The following LUC7L2 variants were observed in gnomAD, a reference collection of about 807,000 sequenced individuals.
LUC7L2 encodes the protein putative RNA-binding protein Luc7-like 2.
LUC7L2 carries 25 observed loss-of-function variants against 52.8 expected under a neutral mutation model. That is an observed-to-expected ratio of 0.47 (90% CI 0.34 to 0.66). The LOEUF (loss-of-function observed/expected upper bound fraction) is 0.66, where lower values mean the gene tolerates loss of function less well. Among genes scored for constraint, LUC7L2 ranks in the 30% least tolerant of loss-of-function variants. The pLI is 0.01. For synonymous variants in LUC7L2, 144 were observed against 160.9 expected (o/e 0.89, Z 0.80); for missense variants, 328 against 497.8 (o/e 0.66, Z 3.25).
At chr7:139,371,464 G>A in intron 1 of LUC7L2, 1 of 1,366,370 alleles carries the variant, frequency 7.3e-7, no homozygotes, top group Non-Finnish European at 9.7e-7. Flanking sequence ...GAGAGAATGG[G>A]TAAAGTAAAA....
intron 1 of LUC7L2, among the ~76,000 whole-genome samples, chr7:139,369,670 C>T (rs1800344235): frequency 6.6e-6 from 1 of 151,844 alleles, no homozygotes; most frequent in Non-Finnish European, 1.5e-5. Context: ...TATGGATTTT[C>T]ACAGACAAGT....
At chr7:139,389,902 C>G (rs192823428) in intron 2 of LUC7L2, among the ~76,000 whole-genome samples, 6 of 152,232 alleles carry the variant, frequency 3.9e-5, no homozygotes, top group Admixed American at 3.9e-4. Context: ...AACAGCAATC[C>G]TGAAGTACTT....
At chr7:139,386,956 C>G (rs1463235577) in intron 2 of LUC7L2, among the ~76,000 whole-genome samples, 2 of 152,058 alleles carry the variant, frequency 1.3e-5, no homozygotes, top group East Asian at 3.9e-4. Flanking sequence ...TCTCCTGCCT[C>G]ATCCTTTCAA....
chr7:139,422,414 A>G lies in LUC7L2; in HGVS notation c.*74A>G. 2.0e-6 allele frequency: 3 copies of G among 1,521,176 alleles called. No homozygotes were observed. Among genetic ancestry groups the G allele is most frequent in the Non-Finnish European group, 2.6e-6 (3 of 1,136,708 alleles). The allele number at this position is 1,521,176 out of a possible 1,614,324, so 94.2% of individuals were successfully genotyped here. On this transcript the variant is annotated 3_prime_UTR_variant, in exon 10 of 10. Coordinates refer to ENST00000354926, the MANE Select transcript of LUC7L2 (RefSeq NM_016019.5). The stretch of plus-strand genomic sequence containing the variant: ...ACTATTGTTTAGTTCACAGCTGTTC[A>G]GGGTGACAGTGAGCAGATCCAGACA...
chr7:139,417,563 C>G lies in LUC7L2; in HGVS notation c.835C>G (p.His279Asp). 1 of 1,614,148 alleles carries G rather than the reference C, an allele frequency of 6.2e-7. No homozygotes were observed. The highest frequency in any genetic ancestry group is 8.5e-7 in the Non-Finnish European group (1 of 1,180,004). The change falls in exon 9 of 10, where the codon CAT (histidine) becomes GAT (aspartate). Residue 279 changes from histidine to aspartate, a missense_variant. Physicochemically the swap from His to Asp is moderately conservative, Grantham distance 81. This residue lies in a region of LUC7L2 where 195 missense variants were observed against 223.3 expected (regional missense o/e 0.87). Transcript: ENST00000354926. ...KRSRSREHRR[H>D]RSRSMSRERK... ...ATCCAGGTCCAGAGAGCATCGCAGA[C>G]ATCGATCTCGCTCCATGTCACGTGA...
At chr7:139,393,425 G>T (rs1026311257) in intron 2 of LUC7L2, among the ~76,000 whole-genome samples, 1 of 151,982 alleles carries the variant, frequency 6.6e-6, no homozygotes, top group African/African-American at 2.4e-5. Flanking sequence ...GTGAGGCCCT[G>T]TCTCTAAAAA....
chr7:139,408,076 T>C (rs1017033534), intron 6 of LUC7L2, among the ~76,000 whole-genome samples: 6 of 152,202 alleles, frequency 3.9e-5, no homozygotes, highest in Non-Finnish European at 7.3e-5. Context: ...AAACATGGGA[T>C]AGTCATTTTC....
chr7:139,403,368 A>G (rs1412658878), intron 4 of LUC7L2, among the ~76,000 whole-genome samples: 1 of 152,232 alleles, frequency 6.6e-6, no homozygotes, highest in Non-Finnish European at 1.5e-5. Flanking sequence ...AGTATGATCA[A>G]GTGTGTTTTA....
At chr7:139,349,398 T>C (rs1348869635) in intron 1 of LUC7L2, among the ~76,000 whole-genome samples, 1 of 152,186 alleles carries the variant, frequency 6.6e-6, no homozygotes, top group Non-Finnish European at 1.5e-5. Flanking sequence ...GTACCTCCTA[T>C]TCATAGTCGC....
At chr7:139,369,697 A>AT (rs926907876) in intron 1 of LUC7L2, among the ~76,000 whole-genome samples, 10 of 123,812 alleles carry the variant, frequency 8.1e-5, no homozygotes, top group African/African-American at 5.2e-4. Flanking sequence ...GATTTTTAAC[A>AT]TTTTAAAAAC....
chr7:139,409,080 T>C (rs569225420), intron 6 of LUC7L2, among the ~76,000 whole-genome samples: 9 of 151,904 alleles, frequency 5.9e-5, no homozygotes, highest in Non-Finnish European at 1.3e-4. Context: ...GAGGTTGCAG[T>C]GAGCCGAGAT....
At chr7:139,369,900 A>G (rs1800355493) in intron 1 of LUC7L2, among the ~76,000 whole-genome samples, 3 of 152,204 alleles carry the variant, frequency 2.0e-5, no homozygotes, top group South Asian at 2.1e-4. Context: ...TCTGAGCTGT[A>G]TAGCACCCTT....
intron 1 of LUC7L2, among the ~76,000 whole-genome samples, chr7:139,343,647 G>C (rs1799110769): frequency 6.6e-6 from 1 of 152,110 alleles, no homozygotes; most frequent in South Asian, 2.1e-4. Flanking sequence ...TAGAGAAAGG[G>C]GATTAGGCCA....
At chr7:139,392,950 A>G (rs1007999077) in intron 2 of LUC7L2, among the ~76,000 whole-genome samples, 2 of 151,192 alleles carry the variant, frequency 1.3e-5, no homozygotes, top group Admixed American at 1.3e-4. Context: ...AACTGCACCC[A>G]GCAACTACTT....
At chr7:139,420,890 C>G (rs976808428) in intron 9 of LUC7L2, among the ~76,000 whole-genome samples, 6 of 152,026 alleles carry the variant, frequency 3.9e-5, no homozygotes, top group African/African-American at 1.5e-4. Context: ...CCTCCGCCTC[C>G]CAGGTTCAAG....
chr7:139,350,333 G>A (rs1799413361), intron 1 of LUC7L2, among the ~76,000 whole-genome samples: 1 of 152,064 alleles, frequency 6.6e-6, no homozygotes. Context: ...GTGTTAGCCA[G>A]GATGGTCTCC....
intron 4 of LUC7L2, among the ~76,000 whole-genome samples, chr7:139,403,211 G>GT (rs1191199104): frequency 1.3e-5 from 2 of 152,148 alleles, no homozygotes; most frequent in African/African-American, 4.8e-5. Flanking sequence ...TATAACCACA[G>GT]TAATACATAC....
At chr7:139,359,658 C>A, upstream of LUC7L2, 1 of 397,776 alleles carries the variant, frequency 2.5e-6, no homozygotes, top group East Asian at 3.6e-5. Context: ...GCCAGCCCTA[C>A]AGCCGGGAGG....
chr7:139,415,154 C>T (rs906971091), intron 8 of LUC7L2, among the ~76,000 whole-genome samples: 2 of 148,674 alleles, frequency 1.3e-5, no homozygotes, highest in East Asian at 2.0e-4. Flanking sequence ...TCAAGTGATC[C>T]GCCTGCCTCA....
Sources: gnomAD v4.1 joint callset for allele counts (sites outside exome capture counted in the v4.1 genomes callset) on GRCh38, gnomAD v4.1.1 for gene constraint, gnomAD v4.1.1 regional missense constraint, MANE v1.5 for transcripts, NCBI Gene and HGNC (gene_info 2026-07-23, HGNC 2026-07-21) for gene names.